NUTM1: variants seen among roughly 807,000 people sequenced by gnomAD.
NUTM1 encodes the protein NUT family member 1.
In NUTM1, 39 loss-of-function variants were observed where a neutral mutation model predicts 88.7. The observed-to-expected ratio is 0.44, with a 90% CI of 0.34 to 0.57. NUTM1 has a LOEUF of 0.57. NUTM1 is among the 20% of genes least tolerant of loss of function. The pLI is 0.01. For missense variants in NUTM1, 1,350 were observed against 1,414.5 expected (o/e 0.95, Z 0.73); for synonymous variants, 494 against 538.0 (o/e 0.92, Z 1.13).
rs1391758833 is a variant in NUTM1, at chr15:34,343,391, T to C, written c.-306T>C. On this transcript the variant is annotated 5_prime_UTR_variant, in exon 1 of 8. Transcript: ENST00000537011. ...TAGAATATTGACGTATAGAAGCCTG[T>C]CTTTGTCTCAAGATACACACCCATT... The C allele has an allele frequency of 1.6e-6, 1 of 611,108 alleles. No individual in the cohort carries two copies. The highest frequency in any genetic ancestry group is 1.8e-5 in the African/African-American group (1 of 54,170). 37.9% of individuals were successfully genotyped at this position (611,108 alleles called of 1,614,324 possible). A position where few individuals can be genotyped will look rare whatever the true frequency, so the allele number is the denominator to read the frequency against.
chr15:34,348,638 C>G lies in NUTM1; in HGVS notation c.770C>G (p.Ser257Cys). ...RYKALARRHL[S>C]QSPDTEALSC... ...AAAGCCTTGGCCCGGAGGCACCTAT[C>G]CCAGAGTCCTGACACAGAAGCTCTT... The change falls in exon 3 of 8, where the codon TCC (serine) becomes TGC (cysteine). Residue 257 changes from serine (S) to cysteine (C), a missense_variant. By Grantham distance (112) the Ser-to-Cys change is moderately radical. Coordinates refer to ENST00000537011, the MANE Select transcript of NUTM1 (RefSeq NM_001284292.2). 6.2e-7 allele frequency: 1 copy of G among 1,608,404 alleles called. No individual in the cohort carries two copies. The highest frequency in any genetic ancestry group is 8.5e-7 in the Non-Finnish European group (1 of 1,179,776).
At chr15:34,350,594 G>A (rs531365092) in intron 3 of NUTM1, 110 bp from the exon 4 acceptor site, 1 of 1,357,630 alleles carries the variant, frequency 7.4e-7, no homozygotes, top group Non-Finnish European at 1.0e-6. Context: ...CAGGCCCTAA[G>A]GGGCACAATA....
At position 34,355,136 on chromosome 15, in the gene NUTM1, A is replaced by T. The variant is rs766065684; in HGVS notation, c.1478A>T (p.Gln493Leu). The change falls in exon 7 of 8, where the codon CAG (glutamine) becomes CTG (leucine). Residue 493 changes from glutamine (Q) to leucine (L), a missense_variant and splice_region_variant. Gln to Leu is a moderately radical substitution (Grantham distance 113). Coordinates refer to ENST00000537011, the MANE Select transcript of NUTM1 (RefSeq NM_001284292.2). The surrounding 1 kb of genome is among the most constrained non-coding windows in gnomAD (Gnocchi z 4.3). ...LEQEEGLTLA[Q>L]LVQKRLMALE... is the part of the protein sequence containing the mutation. ...CAAGAAGAAGGACTCACTCTTGCCC[A>T]GGTAAAACTGGGGTATAGGAAATAT... 1.9e-6 allele frequency: 3 copies of T among 1,574,798 alleles called. No individual in the cohort carries two copies. Among genetic ancestry groups the T allele is most frequent in the Non-Finnish European group, 1.7e-6 (2 of 1,144,506 alleles).
At chr15:34,345,381 G>C (rs1455322393) in intron 1 of NUTM1, among the ~76,000 whole-genome samples, 2 of 152,230 alleles carry the variant, frequency 1.3e-5, no homozygotes, top group Non-Finnish European at 2.9e-5. Flanking sequence ...GTGGAGTACA[G>C]AGCCTATGTT....
At chr15:34,351,639 G>A (rs1890711666) in intron 4 of NUTM1, among the ~76,000 whole-genome samples, 1 of 152,174 alleles carries the variant, frequency 6.6e-6, no homozygotes, top group South Asian at 2.1e-4. Flanking sequence ...CTAGCAATGA[G>A]GAGGTGTGCT....
Position 34,357,527 on chromosome 15 carries a change from C to T in NUTM1, c.*36C>T. 6.2e-7 allele frequency: 1 copy of T among 1,612,070 alleles called. No individual in the cohort carries two copies. On this transcript the variant is annotated 3_prime_UTR_variant, in exon 8 of 8. Transcript: ENST00000537011. Reference sequence around the variant, plus strand: ...GACCATCTGACCCCACTTGCCAGTCCCTAAAGGTGGGTGCCCCAGAGTAGA... The same window carrying T: ...GACCATCTGACCCCACTTGCCAGTCTCTAAAGGTGGGTGCCCCAGAGTAGA...
In NUTM1 at chr15:34,348,491, C is replaced by T; in HGVS notation, c.623C>T (p.Pro208Leu). ...ATTGTGCCCCTGGAAAAAGCTTGGC[C>T]AGGGCCACATGGGACAACCGGGGAA... Reference protein sequence around the residue: ...VPIVPLEKAWPGPHGTTGEGG... With the variant: ...VPIVPLEKAWLGPHGTTGEGG... Residue 208 changes from proline (P) to leucine (L), a missense_variant, in exon 3 of 8, where the codon CCA becomes CTA. Pro to Leu is a moderately conservative substitution (Grantham distance 98, BLOSUM62 -3). Transcript: ENST00000537011. 1.9e-6 allele frequency: 3 copies of T among 1,614,168 alleles called. No individual in the cohort carries two copies. Among genetic ancestry groups the T allele is most frequent in the Non-Finnish European group, 2.5e-6 (3 of 1,180,002 alleles).
At chr15:34,354,302 T>A in intron 5 of NUTM1, 144 bp from the exon 6 acceptor site, 1 of 951,296 alleles carries the variant, frequency 1.1e-6, no homozygotes, top group South Asian at 1.5e-5. Context: ...ATTGCTGAGC[T>A]TACAGAGCTG....
At position 34,357,384 on chromosome 15, in the gene NUTM1, A is replaced by C. The variant is rs765167297; in HGVS notation, c.3376A>C (p.Arg1126=). 2.2e-5 allele frequency: 36 copies of C among 1,614,104 alleles called. No homozygotes were observed. The Admixed American group carries it at 6.0e-4, about 27-fold the overall frequency. The change falls in exon 8 of 8, where the codon AGG becomes CGG. Residue 1126 remains arginine, a synonymous_variant. Coordinates refer to ENST00000537011, the MANE Select transcript of NUTM1 (RefSeq NM_001284292.2). ...CTCAGGAGCTCAACTTGGGGTCCCC[A>C]GGGAGAAACCCCTAGCTCTGGGAGT... The part of the protein sequence containing the change: ...PHSGAQLGVP[R]EKPLALGVVR...
chr15:34,347,966 C>G lies in NUTM1; in HGVS notation c.101-3C>G. 1 of 1,585,140 alleles carries G rather than the reference C, an allele frequency of 6.3e-7. No individual in the cohort carries two copies. Among genetic ancestry groups the G allele is most frequent in the Non-Finnish European group, 8.6e-7 (1 of 1,159,196 alleles). On this transcript the variant is annotated splice_polypyrimidine_tract_variant and splice_region_variant and intron_variant, in intron 2 of 7. Transcript: ENST00000537011. ...CATTTCTTCTTTTTCTTTGTCTCAA[C>G]AGCATCTGCATTGCCGGGACCGGAT... is the stretch of plus-strand genomic sequence containing the variant.
Position 34,357,167 on chromosome 15 carries a change from C to T in NUTM1, c.3159C>T (p.Ala1053=), listed in dbSNP as rs1200181168. 3 of 1,614,208 alleles carry T rather than the reference C, an allele frequency of 1.9e-6. No homozygotes were observed. The highest frequency in any genetic ancestry group is 1.3e-5 in the African/African-American group (1 of 75,054). Reference sequence around the variant, plus strand: ...TCTCCAACTTTGCTTACCTCTTGGCCTCTAAACTTAGCCTCTCACCAAGGG... The same window carrying T: ...TCTCCAACTTTGCTTACCTCTTGGCTTCTAAACTTAGCCTCTCACCAAGGG... ...EELSNFAYLL[A]SKLSLSPREH... The change falls in exon 8 of 8, where the codon GCC becomes GCT. Residue 1053 remains alanine, a synonymous_variant. Transcript: ENST00000537011.
intron 2 of NUTM1, among the ~76,000 whole-genome samples, 154 bp downstream of exon 2, chr15:34,346,189 A>T (rs1890583263): frequency 6.6e-6 from 1 of 152,152 alleles, no homozygotes; most frequent in Non-Finnish European, 1.5e-5. Context: ...CTTTAAGACT[A>T]GGGGCTGGGG....
rs1392944623 is a variant in NUTM1, at chr15:34,354,490, C to T, written c.1120C>T (p.Arg374Trp). 1.6e-5 allele frequency: 26 copies of T among 1,614,058 alleles called. No individual in the cohort carries two copies. The highest frequency in any genetic ancestry group is 5.0e-5 in the Admixed American group (3 of 60,004). ...KAASKTRAPR[R>W]RQRKAQRPPA... ...AGCCTCCAAGACACGGGCCCCCCGC[C>T]GGCGTCAGCGTAAAGCCCAGAGACC... Residue 374 changes from arginine (R) to tryptophan (W), a missense_variant, in exon 6 of 8, where the codon CGG (arginine) becomes TGG (tryptophan). Coordinates refer to ENST00000537011, the MANE Select transcript of NUTM1 (RefSeq NM_001284292.2).
chr15:34,344,471 C>T (rs1369640184), intron 1 of NUTM1, among the ~76,000 whole-genome samples: 1 of 145,174 alleles, frequency 6.9e-6, no homozygotes, highest in African/African-American at 2.6e-5. Context: ...CCACTGCACT[C>T]CAGCCTGGGC....
chr15:34,345,786 T>A (rs1488685782), intron 1 of NUTM1, 156 bp from the exon 2 acceptor site: 24 of 1,068,036 alleles, frequency 2.2e-5, no homozygotes, highest in Non-Finnish European at 3.0e-5. Context: ...TTTTCATACT[T>A]ACTAGAACCC....
intron 4 of NUTM1, 75 bp from the exon 5 acceptor site, chr15:34,353,661 C>T: frequency 1.9e-6 from 3 of 1,570,332 alleles, no homozygotes; most frequent in Non-Finnish European, 2.6e-6. Context: ...CTTGGCCATG[C>T]TTGGCTGTCG....
intron 1 of NUTM1, 115 bp downstream of exon 1, chr15:34,343,817 C>A: frequency 2.4e-6 from 2 of 843,674 alleles, no homozygotes; most frequent in Non-Finnish European, 1.8e-6. Flanking sequence ...AAAATGAGAA[C>A]CAAAATATCA....
chr15:34,351,982 T>C (rs1239306274), intron 4 of NUTM1, among the ~76,000 whole-genome samples: 2 of 151,344 alleles, frequency 1.3e-5, no homozygotes, highest in Non-Finnish European at 2.9e-5. Flanking sequence ...CCAGCCTGAC[T>C]AACATGGAGA....
chr15:34,355,663 G>A lies in NUTM1; in HGVS notation c.1655G>A (p.Gly552Glu). 2 of 1,609,270 alleles carry A rather than the reference G, an allele frequency of 1.2e-6. No individual in the cohort carries two copies. Among genetic ancestry groups the A allele is most frequent in the Non-Finnish European group, 1.7e-6 (2 of 1,177,634 alleles). The change falls in exon 8 of 8, where the codon GGA becomes GAA. Residue 552 changes from glycine to glutamate, a missense_variant. This residue lies in a region of NUTM1 where 730 missense variants were observed against 728.8 expected (regional missense o/e 1.00). Coordinates refer to ENST00000537011, the MANE Select transcript of NUTM1 (RefSeq NM_001284292.2). This position sits in a 1 kb window ranked among gnomAD's most constrained non-coding sequence, Gnocchi z 4.3. ...LQGAGGAACL[G>E]KVSSSGKRAR... ...GGGGCTGGGGGCGCCGCTTGCCTTGGAAAGGTTTCTTCTTCAGGAAAACGG... is the reference window on the plus strand; with the variant it reads ...GGGGCTGGGGGCGCCGCTTGCCTTGAAAAGGTTTCTTCTTCAGGAAAACGG...
Sources: gnomAD v4.1 joint callset for allele counts (sites outside exome capture counted in the v4.1 genomes callset) on GRCh38, gnomAD v4.1.1 for gene constraint, gnomAD v4.1.1 regional missense constraint, Gnocchi (gnomAD v3.1) non-coding constraint, MANE v1.5 for transcripts, NCBI Gene and HGNC (gene_info 2026-07-23, HGNC 2026-07-21) for gene names.